Variants in PRKCE observed in about 807,000 individuals in gnomAD.
The protein encoded by PRKCE is protein kinase C epsilon, also known as protein kinase C epsilon type.
Under a neutral mutation model 85.4 loss-of-function variants are expected in PRKCE, and 16 were observed. That is an observed-to-expected ratio of 0.19 (90% confidence interval 0.13 to 0.28). PRKCE has a LOEUF of 0.28. Among genes scored for constraint, PRKCE ranks in the 10% least tolerant of loss-of-function variants. The pLI is 1.00. For synonymous variants in PRKCE, 388 were observed against 371.5 expected (o/e 1.04, Z -0.51); for missense variants, 573 against 975.2 (o/e 0.59, Z 5.49).
chr2:46,149,729 T>TTA (rs1348834009), intron 12 of PRKCE, among the ~76,000 whole-genome samples: 2 of 145,732 alleles, frequency 1.4e-5, no homozygotes, highest in African/African-American at 2.6e-5. Context: ...ATATATGTAT[T>TTA]TATATATATG....
At chr2:46,071,512 T>C (rs1477519973) in intron 10 of PRKCE, among the ~76,000 whole-genome samples, 2 of 152,224 alleles carry the variant, frequency 1.3e-5, no homozygotes, top group Non-Finnish European at 2.9e-5. Context: ...TTCACGCAGC[T>C]GAGCTAGGAT....
chr2:46,075,500 G>A (rs1174729584), intron 10 of PRKCE, among the ~76,000 whole-genome samples: 1 of 151,958 alleles, frequency 6.6e-6, no homozygotes, highest in African/African-American at 2.4e-5. Context: ...CAGCATTTTG[G>A]GAGGCCAAGG....
intron 11 of PRKCE, among the ~76,000 whole-genome samples, chr2:46,106,832 T>C (rs1671763154): frequency 6.6e-6 from 1 of 152,230 alleles, no homozygotes; most frequent in South Asian, 2.1e-4. Flanking sequence ...GGCTTCAACA[T>C]ACAAATTTTT....
At chr2:45,982,533 C>T (rs1702977503) in intron 5 of PRKCE, among the ~76,000 whole-genome samples, 1 of 152,208 alleles carries the variant, frequency 6.6e-6, no homozygotes, top group Non-Finnish European at 1.5e-5. Context: ...AATGTTCCAT[C>T]TCCACTGGTG....
intron 1 of PRKCE, among the ~76,000 whole-genome samples, chr2:45,723,530 C>T (rs1558598007): frequency 1.3e-5 from 2 of 152,186 alleles, no homozygotes; most frequent in Non-Finnish European, 2.9e-5. Context: ...CACGATTTAC[C>T]GTTCCTTCTG....
At position 45,895,012 on chromosome 2, in the gene PRKCE, T is replaced by C. The variant is rs1319070651; in HGVS notation, c.412+51949T>C. Among the ~76,000 whole-genome samples, 1 of 152,208 alleles carries C rather than the reference T, an allele frequency of 6.6e-6. No individual in the cohort carries two copies. Among genetic ancestry groups the C allele is most frequent in the Non-Finnish European group, 1.5e-5 (1 of 68,018 alleles). On this transcript the variant is annotated intron_variant, in intron 2 of 14. Transcript: ENST00000306156. The surrounding 1 kb of genome is among the most constrained non-coding windows in gnomAD (Gnocchi z 4.8). ...TGCTGGGATTACAGGCATCAGCCCC[T>C]GTGCCCCCGTTCGTTTGTTTTGAGT...
At chr2:46,062,768 G>A (rs1435769503) in intron 10 of PRKCE, among the ~76,000 whole-genome samples, 1 of 144,088 alleles carries the variant, frequency 6.9e-6, no homozygotes, top group African/African-American at 2.6e-5. Context: ...CCGCCTCCGG[G>A]GTTCAAGCGA....
intron 10 of PRKCE, among the ~76,000 whole-genome samples, chr2:46,050,818 C>T (rs2105060894): frequency 6.6e-6 from 1 of 152,308 alleles, no homozygotes; most frequent in South Asian, 2.1e-4. Context: ...TCTCTCATTT[C>T]CTTCATTCTT....
At chr2:45,680,999 A>T (rs147654729) in intron 1 of PRKCE, among the ~76,000 whole-genome samples, 7 of 152,328 alleles carry the variant, frequency 4.6e-5, no homozygotes, top group African/African-American at 1.7e-4. Context: ...TTAAAGACAT[A>T]GCATTTTTGG....
chr2:45,923,236 G>T (rs1005843030), intron 2 of PRKCE, among the ~76,000 whole-genome samples: 10 of 152,208 alleles, frequency 6.6e-5, no homozygotes, highest in African/African-American at 2.4e-4. Context: ...TACAGAAATT[G>T]TAAGTCCCTG....
At chr2:45,853,714 C>T (rs1216642879) in intron 2 of PRKCE, among the ~76,000 whole-genome samples, 1 of 152,218 alleles carries the variant, frequency 6.6e-6, no homozygotes, top group Non-Finnish European at 1.5e-5. Flanking sequence ...AAGGAAACTA[C>T]TGAGATAAAC....
At chr2:45,761,690 T>G (rs543077360) in intron 1 of PRKCE, among the ~76,000 whole-genome samples, 34 of 152,104 alleles carry the variant, frequency 2.2e-4, no homozygotes, top group Non-Finnish European at 4.0e-4. Flanking sequence ...CTGGCCACAG[T>G]CTTCTGTTCT....
chr2:46,060,325 C>CT lies in PRKCE; in HGVS notation c.1438-25882dup, dbSNP rs397868371. On this transcript the variant is annotated intron_variant, in intron 10 of 14. Coordinates refer to ENST00000306156, the MANE Select transcript of PRKCE (RefSeq NM_005400.3). ...CATACGTCAGGTCAGACAGCCCTTC[C>CT]TCCTGGGCACTGCCCGGGCAGCCCA... 7.3e-5 allele frequency among the ~76,000 whole-genome samples: 11 copies of CT among 151,512 alleles called. 1 individual carries two copies. The highest frequency in any genetic ancestry group is 2.0e-4 in the Admixed American group (3 of 15,226).
chr2:46,086,173 A>C, intron 10 of PRKCE, 35 bp from the exon 11 acceptor site: 1 of 1,595,422 alleles, frequency 6.3e-7, no homozygotes, highest in East Asian at 2.2e-5. Flanking sequence ...GCTGCAATCA[A>C]ATGACCCAAA....
intron 14 of PRKCE, among the ~76,000 whole-genome samples, chr2:46,161,555 G>A (rs942412751): frequency 5.3e-5 from 8 of 152,048 alleles, no homozygotes; most frequent in Middle Eastern, 3.4e-3. Context: ...TGGCAGAGGC[G>A]GAGGAGCAGC....
At chr2:45,951,400 T>C (rs1382191666) in intron 2 of PRKCE, among the ~76,000 whole-genome samples, 1 of 152,200 alleles carries the variant, frequency 6.6e-6, no homozygotes, top group African/African-American at 2.4e-5. Context: ...TTGCAAGTCT[T>C]TGGGCTTTCA....
At chr2:46,010,570 G>T in intron 10 of PRKCE, 53 bp downstream of exon 10, 2 of 1,597,956 alleles carry the variant, frequency 1.3e-6, no homozygotes, top group African/African-American at 2.7e-5. Flanking sequence ...TTGACTATCA[G>T]ATAAAATACC....
At chr2:45,765,071 C>T (rs1487583351) in intron 1 of PRKCE, among the ~76,000 whole-genome samples, 1 of 152,190 alleles carries the variant, frequency 6.6e-6, no homozygotes, top group Non-Finnish European at 1.5e-5. Flanking sequence ...CTCAAAAACC[C>T]ACCCACTCAC....
chr2:46,133,498 A>G (rs1414166052), intron 11 of PRKCE, among the ~76,000 whole-genome samples: 1 of 152,202 alleles, frequency 6.6e-6, no homozygotes, highest in Admixed American at 6.5e-5. Flanking sequence ...TAGAAACTCA[A>G]TAACTATTAT....
Sources: gnomAD v4.1 joint callset for allele counts (sites outside exome capture counted in the v4.1 genomes callset) on GRCh38, gnomAD v4.1.1 for gene constraint, Gnocchi (gnomAD v3.1) non-coding constraint, MANE v1.5 for transcripts, NCBI Gene and HGNC (gene_info 2026-07-23, HGNC 2026-07-21) for gene names.